Variants in ERVK3-1 observed in about 807,000 individuals in gnomAD.
ERVK3-1 encodes the protein endogenous retrovirus group K3 member 1.
At chr19:58,316,215 C>G (rs905834477), downstream of ERVK3-1, among the ~76,000 whole-genome samples, 6 of 152,194 alleles carry the variant, frequency 3.9e-5, no homozygotes. Context: ...CTGCTCTACA[C>G]CACTACCTCC....
intron 2 of ERVK3-1, among the ~76,000 whole-genome samples, chr19:58,306,812 A>G (rs886856818): frequency 6.6e-6 from 1 of 152,124 alleles, no homozygotes; most frequent in African/African-American, 2.4e-5. Context: ...TTTATTCATG[A>G]ACACACTCCA....
chr19:58,307,399 T>C (rs1393031329), intron 2 of ERVK3-1, among the ~76,000 whole-genome samples: 1 of 152,172 alleles, frequency 6.6e-6, no homozygotes, highest in Non-Finnish European at 1.5e-5. Context: ...TTGGGAAATT[T>C]TCTCAAAGCC....
intron 2 of ERVK3-1, among the ~76,000 whole-genome samples, chr19:58,307,695 A>T (rs1049432659): frequency 1.3e-5 from 2 of 150,280 alleles, no homozygotes; most frequent in South Asian, 4.2e-4. Context: ...AAAGGAAATC[A>T]TTGGGCTAAT....
downstream of ERVK3-1, among the ~76,000 whole-genome samples, chr19:58,315,978 T>A (rs2051590106): frequency 6.6e-6 from 1 of 152,148 alleles, no homozygotes; most frequent in African/African-American, 2.4e-5. Context: ...TGCCCAGGAC[T>A]GAGACCTCGG....
At chr19:58,309,036 C>G (rs930821617) in intron 2 of ERVK3-1, 2 of 152,142 alleles carry the variant, frequency 1.3e-5, no homozygotes, top group African/African-American at 2.4e-5. Context: ...TTTCACTATA[C>G]CATTACACAA....
chr19:58,315,899 A>G (rs893122156), downstream of ERVK3-1, among the ~76,000 whole-genome samples: 5 of 152,218 alleles, frequency 3.3e-5, no homozygotes, highest in African/African-American at 1.2e-4. Context: ...GTGTAGGATC[A>G]AAGAGAAGGC....
intron 2 of ERVK3-1, chr19:58,309,180 A>C (rs546535428): frequency 1.3e-5 from 2 of 152,336 alleles, no homozygotes; most frequent in Admixed American, 6.5e-5. Context: ...TTTGTAGGAA[A>C]AGCATTGAAG....
intron 2 of ERVK3-1, 134 bp downstream of exon 2, chr19:58,306,350 A>G (rs560942317): frequency 9.2e-5 from 14 of 152,386 alleles, no homozygotes; most frequent in Admixed American, 2.6e-4. Flanking sequence ...TGCTCGGGTT[A>G]GTTCTCAAAC....
rs935813770 is a variant in ERVK3-1 at position 58,312,360 on chromosome 19, C to A, written c.192C>A (p.Ile64=). ...CCAACCCCATAACATGGGGACAGAT[C>A]AAGAAAACGACACAAGAAGCTGAGA... Residue 64 remains isoleucine (I), a synonymous_variant, in exon 3 of 4, where the codon ATC becomes ATA. Transcript: ENST00000413518. The surrounding 1 kb of genome is among the most constrained non-coding windows in gnomAD (Gnocchi z 4.7). 7.5e-6 allele frequency: 3 copies of A among 400,064 alleles called. No individual in the cohort carries two copies. Among genetic ancestry groups the A allele is most frequent in the Non-Finnish European group, 1.3e-5 (3 of 226,092 alleles). 24.8% of individuals were successfully genotyped at this position (400,064 alleles called of 1,614,324 possible).
Position 58,312,523 on chromosome 19 carries a change from G to A in ERVK3-1, c.294+61G>A. 2.5e-6 allele frequency: 1 copy of A among 399,514 alleles called. No individual in the cohort carries two copies. 24.7% of individuals were successfully genotyped at this position (399,514 alleles called of 1,614,324 possible). A position where few individuals can be genotyped will look rare whatever the true frequency, so the allele number is the denominator to read the frequency against. On this transcript the variant is annotated intron_variant, in intron 3 of 3. Transcript: ENST00000413518. The surrounding 1 kb of genome is among the most constrained non-coding windows in gnomAD (Gnocchi z 4.7). ...GGCATATGTTCCTAACCCACTGGTA[G>A]TACGACTGGTACTCTGGAGCGACAC...
At chr19:58,307,876 G>A (rs1254704109) in intron 2 of ERVK3-1, among the ~76,000 whole-genome samples, 2 of 152,196 alleles carry the variant, frequency 1.3e-5, no homozygotes, top group Admixed American at 6.5e-5. Flanking sequence ...GGGGAGTGCA[G>A]GATTAGATCG....
Position 58,314,758 on chromosome 19 carries a change from C to T in ERVK3-1, c.305C>T (p.Ser102Leu), listed in dbSNP as rs188023367. The change falls in exon 4 of 4, where the codon TCG becomes TTG. Residue 102 changes from serine to leucine, a missense_variant. Coordinates refer to ENST00000413518, the Ensembl canonical transcript of ERVK3-1. ...TTTTTTTGCTCATAGTCTATAGGAT[C>T]GGGTGAACCACCAACCGGCAATTGA... The T allele has an allele frequency of 6.0e-4, 238 of 399,136 alleles. 1 individual carries two copies. The highest frequency in any genetic ancestry group is 1.0e-4 in the Non-Finnish European group (23 of 225,732). The allele number at this position is 399,136 out of a possible 1,614,324, so 24.7% of individuals were successfully genotyped here.
rs912600065 is a variant in ERVK3-1, at chr19:58,313,847, C to T, written c.295-901C>T. On this transcript the variant is annotated intron_variant, in intron 3 of 3. Coordinates refer to ENST00000413518, the Ensembl canonical transcript of ERVK3-1. The surrounding 1 kb of genome is among the most constrained non-coding windows in gnomAD (Gnocchi z 4.5). ...ACTCCTTCTTACCCAGCTCACTCATCGTGCACGTAAAGCCTTAAACATAGT... is the reference window on the plus strand; with the variant it reads ...ACTCCTTCTTACCCAGCTCACTCATTGTGCACGTAAAGCCTTAAACATAGT... Among the ~76,000 whole-genome samples the T allele has an allele frequency of 2.0e-5, 3 of 152,222 alleles. No homozygotes were observed. The highest frequency in any genetic ancestry group is 2.9e-5 in the Non-Finnish European group (2 of 68,048).
intron 2 of ERVK3-1, among the ~76,000 whole-genome samples, chr19:58,306,967 T>G (rs1418504346): frequency 6.6e-6 from 1 of 152,260 alleles, no homozygotes; most frequent in Non-Finnish European, 1.5e-5. Flanking sequence ...TTGCACTTGT[T>G]TCTCTGCTAG....
intron 3 of ERVK3-1, among the ~76,000 whole-genome samples, chr19:58,314,488 G>A (rs901007952): frequency 6.6e-6 from 1 of 151,964 alleles, no homozygotes; most frequent in African/African-American, 2.4e-5. Flanking sequence ...TTAGCTGGGT[G>A]TGGTGGCGGG....
chr19:58,315,799 G>C (rs2051589033), downstream of ERVK3-1: 1 of 152,232 alleles, frequency 6.6e-6, no homozygotes, highest in Admixed American at 6.5e-5. Context: ...CCCACTCCTT[G>C]CTGCCTGTGC....
At chr19:58,309,420 G>A (rs1222752632) in intron 2 of ERVK3-1, 2 of 152,142 alleles carry the variant, frequency 1.3e-5, no homozygotes, top group South Asian at 2.1e-4. Flanking sequence ...GTAGCTCTTC[G>A]TAAGAACAAA....
chr19:58,311,274 C>T (rs2051555174), intron 2 of ERVK3-1: 1 of 152,234 alleles, frequency 6.6e-6, no homozygotes, highest in Non-Finnish European at 1.5e-5. Flanking sequence ...ACCAGAACTG[C>T]TTAACCTATT....
chr19:58,314,760 G>A (rs922399010), exon 4 of ERVK3-1: 9 of 399,868 alleles, frequency 2.3e-5, no homozygotes, highest in African/African-American at 1.6e-4. Context: ...TATAGGATCG[G>A]GTGAACCACC....
Sources: gnomAD v4.1 joint callset for allele counts (sites outside exome capture counted in the v4.1 genomes callset) on GRCh38, gnomAD v4.1.1 for gene constraint, Gnocchi (gnomAD v3.1) non-coding constraint, MANE v1.5 for transcripts, NCBI Gene and HGNC (gene_info 2026-07-23, HGNC 2026-07-21) for gene names.